JPH3: variants seen among roughly 807,000 people sequenced by gnomAD.
JPH3 encodes junctophilin 3.
Under a neutral mutation model 59.6 loss-of-function variants are expected in JPH3, and 11 were observed. The ratio of observed to expected loss-of-function variants is 0.18; its 90% CI spans 0.12 to 0.31. JPH3 has a LOEUF of 0.31. JPH3 is among the 10% of genes least tolerant of loss of function. JPH3 has a pLI of 1.00. For missense variants in JPH3, 1,202 were observed against 1,105.7 expected (o/e 1.09, Z -1.24); for synonymous variants, 673 against 483.6 (o/e 1.39, Z -5.14).
At position 87,696,860 on chromosome 16, in the gene JPH3, T is replaced by G; in HGVS notation, c.*200T>G. On this transcript the variant is annotated 3_prime_UTR_variant, in exon 5 of 5. Transcript: ENST00000284262. ...AATGTTTTTTGGATTTTAGCCAAAA[T>G]TCTTTGCTTGTATAACACTCTGCTG... The G allele has an allele frequency of 1.7e-6, 1 of 588,494 alleles. No homozygotes were observed. Among genetic ancestry groups the G allele is most frequent in the South Asian group, 2.0e-5 (1 of 50,596 alleles). The allele number at this position is 588,494 out of a possible 1,614,324, so 36.5% of individuals were successfully genotyped here.
At chr16:87,686,980 C>A (rs1481033450) in intron 3 of JPH3, among the ~76,000 whole-genome samples, 1 of 152,210 alleles carries the variant, frequency 6.6e-6, no homozygotes, top group African/African-American at 2.4e-5. Flanking sequence ...TCCGATCTGC[C>A]ACCTCTTTGG....
In JPH3 at chr16:87,639,197, C is replaced by G. The variant is rs151015560; in HGVS notation, c.383-5061C>G. ...CACCTTAAGGCAGTTACCCTGTGAT[C>G]TGCACAGCCGCCCTCCCCTCGTTGC... On this transcript the variant is annotated intron_variant, in intron 1 of 4. Coordinates refer to ENST00000284262, the MANE Select transcript of JPH3 (RefSeq NM_020655.4). Among the ~76,000 whole-genome samples the G allele has an allele frequency of 4.0e-3, 603 of 152,286 alleles. 5 individuals are homozygous for G. Among genetic ancestry groups the G allele is most frequent in the African/African-American group, 0.014 (582 of 41,554 alleles).
intron 1 of JPH3, among the ~76,000 whole-genome samples, chr16:87,607,086 C>T (rs965743953): frequency 2.6e-5 from 4 of 152,188 alleles, no homozygotes; most frequent in African/African-American, 9.7e-5. Flanking sequence ...CCTGTTCTTT[C>T]CTCTCGTTTA....
rs2033885405 is a variant in JPH3 at position 87,696,881 on chromosome 16, T to G, written c.*221T>G. 1.9e-6 allele frequency: 1 copy of G among 536,740 alleles called. No individual in the cohort carries two copies. Among genetic ancestry groups the G allele is most frequent in the Non-Finnish European group, 3.4e-6 (1 of 296,472 alleles). The allele number at this position is 536,740 out of a possible 1,614,324, so 33.2% of individuals were successfully genotyped here. A position where few individuals can be genotyped will look rare whatever the true frequency, so the allele number is the denominator to read the frequency against. On this transcript the variant is annotated 3_prime_UTR_variant, in exon 5 of 5. Transcript: ENST00000284262. ...AAAATTCTTTGCTTGTATAACACTC[T>G]GCTGTGTGGCATGGCAGAAGGAGGC...
chr16:87,635,456 A>T (rs1007632307), intron 1 of JPH3, among the ~76,000 whole-genome samples: 3 of 152,184 alleles, frequency 2.0e-5, no homozygotes, highest in African/African-American at 7.2e-5. Context: ...ACTTACCCAC[A>T]AGGCCGGCTG....
Position 87,644,958 on chromosome 16 carries a change from G to C in JPH3, c.1083G>C (p.Glu361Asp), listed in dbSNP as rs2032093532. ...CCCTGCGGGCCAGCAAGATCCGCGA[G>C]AAGGTGGACCGCGCCGTTGAGGCCG... ...LIPLRASKIR[E>D]KVDRAVEAAE... is the part of the protein sequence containing the mutation. Residue 361 changes from glutamate to aspartate, a missense_variant, in exon 2 of 5, where the codon GAG (glutamate) becomes GAC (aspartate). Glu to Asp is a conservative substitution (Grantham distance 45). Coordinates refer to ENST00000284262, the MANE Select transcript of JPH3 (RefSeq NM_020655.4). 1.9e-6 allele frequency: 3 copies of C among 1,611,572 alleles called. No individual in the cohort carries two copies. The highest frequency in any genetic ancestry group is 2.5e-6 in the Non-Finnish European group (3 of 1,179,890).
At chr16:87,676,673 G>C (rs116376736) in intron 2 of JPH3, among the ~76,000 whole-genome samples, 2,310 of 151,836 alleles carry the variant, frequency 0.015, 67 homozygotes, top group African/African-American at 0.053. Context: ...GGCGGAGCTC[G>C]CAGTGAGCTG....
intron 1 of JPH3, among the ~76,000 whole-genome samples, chr16:87,630,674 G>A (rs966740537): frequency 2.0e-5 from 3 of 152,116 alleles, no homozygotes; most frequent in African/African-American, 7.2e-5. Context: ...GGTGACATTT[G>A]GTGCTAAAAA....
chr16:87,643,436 G>A (rs2032023068), intron 1 of JPH3, among the ~76,000 whole-genome samples: 3 of 152,084 alleles, frequency 2.0e-5, no homozygotes. Flanking sequence ...AAGGTCATGG[G>A]CCACTGTCCC....
At chr16:87,647,144 G>A (rs1353374209) in intron 2 of JPH3, among the ~76,000 whole-genome samples, 1 of 152,126 alleles carries the variant, frequency 6.6e-6, no homozygotes, top group African/African-American at 2.4e-5. Context: ...GGGCCCAGGG[G>A]CTCTGTGGAG....
intron 1 of JPH3, among the ~76,000 whole-genome samples, chr16:87,620,938 A>G (rs1274600085): frequency 1.3e-5 from 2 of 152,168 alleles, no homozygotes; most frequent in Non-Finnish European, 2.9e-5. Context: ...AGGCCTGAGC[A>G]CTTGAGGTCA....
chr16:87,629,166 C>T (rs377426927), intron 1 of JPH3, among the ~76,000 whole-genome samples: 1 of 152,116 alleles, frequency 6.6e-6, no homozygotes, highest in Admixed American at 6.5e-5. Flanking sequence ...GACTCCATGC[C>T]TGCTGCTGTC....
At chr16:87,644,191 G>C in intron 1 of JPH3, 67 bp from the exon 2 acceptor site, 1 of 1,500,130 alleles carries the variant, frequency 6.7e-7, no homozygotes, top group Non-Finnish European at 9.0e-7. Flanking sequence ...CTTCAACCCT[G>C]TCCGTGGCCA....
chr16:87,673,546 T>C (rs1257180283), intron 2 of JPH3, among the ~76,000 whole-genome samples: 1 of 152,216 alleles, frequency 6.6e-6, no homozygotes, highest in Non-Finnish European at 1.5e-5. Flanking sequence ...AAGGTTGTTA[T>C]TAGACTGTGA....
intron 2 of JPH3, among the ~76,000 whole-genome samples, chr16:87,676,852 A>G (rs1162428220): frequency 6.6e-6 from 1 of 150,822 alleles, no homozygotes; most frequent in African/African-American, 2.5e-5. Context: ...CCTGACCAAC[A>G]TGGCGAAACC....
chr16:87,696,208 G>C (rs1300995207), intron 4 of JPH3: 1 of 444,690 alleles, frequency 2.2e-6, no homozygotes, highest in South Asian at 1.7e-5. Context: ...CACAGGGCAG[G>C]AGAAGCCTGC....
At chr16:87,664,764 T>G (rs950381116) in intron 2 of JPH3, among the ~76,000 whole-genome samples, 1 of 152,050 alleles carries the variant, frequency 6.6e-6, no homozygotes, top group Non-Finnish European at 1.5e-5. Context: ...GGTGTGGGTG[T>G]ATGACCCACA....
chr16:87,684,309 T>C, intron 3 of JPH3, 43 bp downstream of exon 3: 1 of 1,606,834 alleles, frequency 6.2e-7, no homozygotes, highest in South Asian at 1.1e-5. Flanking sequence ...GGGGAGGGGG[T>C]GCGTGGATGG....
chr16:87,651,061 T>G (rs1322057308), intron 2 of JPH3, among the ~76,000 whole-genome samples: 1 of 152,242 alleles, frequency 6.6e-6, no homozygotes, highest in Non-Finnish European at 1.5e-5. Context: ...AAATGTTAAC[T>G]TGAAGCCAGT....
Sources: allele counts gnomAD v4.1 joint callset (sites outside exome capture counted in the v4.1 genomes callset), GRCh38; gene constraint gnomAD v4.1.1; transcripts MANE v1.5; gene names NCBI Gene and HGNC (gene_info 2026-07-23, HGNC 2026-07-21).